UBE4B: variants seen among roughly 807,000 people sequenced by gnomAD.
The protein encoded by UBE4B is ubiquitin conjugation factor E4 B.
A neutral mutation model predicts 148.1 loss-of-function variants in UBE4B; 27 were observed. The ratio of observed to expected loss-of-function variants is 0.18; its 90% confidence interval spans 0.13 to 0.25. The LOEUF (loss-of-function observed/expected upper bound fraction) is 0.25. UBE4B is among the 10% of genes least tolerant of loss of function. The probability of loss-of-function intolerance (pLI) is 1.00; values close to 1 mark genes in which losing one functional copy is unlikely to be tolerated. For synonymous variants in UBE4B, 596 were observed against 619.3 expected (o/e 0.96, Z 0.56); for missense variants, 1,170 against 1,662.4 (o/e 0.70, Z 5.15).
intron 2 of UBE4B, among the ~76,000 whole-genome samples, chr1:10,089,812 G>C (rs1570864068): frequency 1.3e-5 from 2 of 151,004 alleles, no homozygotes; most frequent in African/African-American, 4.9e-5. Flanking sequence ...CAATTCTCCT[G>C]CCTCAGCCTC....
chr1:10,129,376 C>G lies in UBE4B; in HGVS notation c.1639-16C>G, dbSNP rs752810182. 1.2e-6 allele frequency: 2 copies of G among 1,607,666 alleles called. No individual in the cohort carries two copies. The highest frequency in any genetic ancestry group is 1.1e-5 in the South Asian group (1 of 90,764). The stretch of plus-strand genomic sequence containing the variant: ...TAAGATGAAATGCATTTAAATGACT[C>G]TGATCTTATTTCTAGGCACTAGGTG... On this transcript the variant is annotated splice_polypyrimidine_tract_variant and intron_variant, in intron 11 of 27. Coordinates refer to ENST00000343090, the MANE Select transcript of UBE4B (RefSeq NM_001105562.3).
chr1:10,137,029 A>G, intron 16 of UBE4B, 38 bp from the exon 17 acceptor site: 1 of 1,612,062 alleles, frequency 6.2e-7, no homozygotes, highest in Non-Finnish European at 8.5e-7. Context: ...TGAGACATGT[A>G]ATAGATTTTA....
intron 17 of UBE4B, among the ~76,000 whole-genome samples, chr1:10,143,972 A>G (rs1192615738): frequency 6.6e-6 from 1 of 152,250 alleles, no homozygotes; most frequent in Non-Finnish European, 1.5e-5. Context: ...ACTAGGTCTT[A>G]CAGAAATGCT....
In UBE4B at chr1:10,165,546, G is replaced by A. The variant is rs559330930; in HGVS notation, c.3199-2590G>A. Among the ~76,000 whole-genome samples the A allele has an allele frequency of 6.6e-5, 10 of 152,198 alleles. 1 individual carries two copies. Among genetic ancestry groups the A allele is most frequent in the African/African-American group, 2.4e-4 (10 of 41,518 alleles). On this transcript the variant is annotated intron_variant, in intron 23 of 27. Transcript: ENST00000343090. ...CTCAGAGCCAAATCCTGTGGTGAGA[G>A]CAGCCTACAGCACGCAGGAGGACCT...
chr1:10,179,365 T>A lies in UBE4B; in HGVS notation c.3701-51T>A, dbSNP rs1486667838. ...GGTAGAACGGGCTTTGTTTTCTTTT[T>A]CAGTCGTGGGCTCTCAGTAGATTAG... On this transcript the variant is annotated intron_variant, in intron 26 of 27. Coordinates refer to ENST00000343090, the MANE Select transcript of UBE4B (RefSeq NM_001105562.3). 4 of 1,582,450 alleles carry A rather than the reference T, an allele frequency of 2.5e-6. No homozygotes were observed. In the Admixed American group the frequency reaches 7.1e-5, roughly 28 times the overall value.
At position 10,101,151 on chromosome 1, in the gene UBE4B, G is replaced by T; in HGVS notation, c.391G>T (p.Val131Phe). ...GGATTCAGGAATTGAAAACATGGAG[G>T]TTGATGAAAATGATCGAAGAGAAAA... ...DVDSGIENME[V>F]DENDRREKRS... Residue 131 changes from valine to phenylalanine, a missense_variant, in exon 4 of 28, where the codon GTT becomes TTT. Val to Phe is a conservative substitution (Grantham distance 50). This residue lies in a region of UBE4B where 91 missense variants were observed against 120.5 expected (regional missense o/e 0.76). Transcript: ENST00000343090. The T allele has an allele frequency of 6.2e-7, 1 of 1,614,132 alleles. No homozygotes were observed. Among genetic ancestry groups the T allele is most frequent in the Non-Finnish European group, 8.5e-7 (1 of 1,180,016 alleles).
At chr1:10,045,681 A>G (rs1446359234) in intron 1 of UBE4B, among the ~76,000 whole-genome samples, 1 of 152,114 alleles carries the variant, frequency 6.6e-6, no homozygotes, top group Non-Finnish European at 1.5e-5. Flanking sequence ...AAAGAGCAAA[A>G]GCAGAGAGAA....
At chr1:10,053,940 G>A (rs1368089802) in intron 1 of UBE4B, among the ~76,000 whole-genome samples, 1 of 152,054 alleles carries the variant, frequency 6.6e-6, no homozygotes. Context: ...TCCTGCCTTG[G>A]CCTCCCAAAG....
At chr1:10,079,600 C>T (rs1259311243) in intron 2 of UBE4B, among the ~76,000 whole-genome samples, 2 of 152,172 alleles carry the variant, frequency 1.3e-5, no homozygotes, top group Non-Finnish European at 2.9e-5. Context: ...GACTTAGCAA[C>T]TAGTCAAACT....
chr1:10,111,799 A>G (rs1645226591), intron 7 of UBE4B, among the ~76,000 whole-genome samples: 1 of 152,134 alleles, frequency 6.6e-6, no homozygotes, highest in Admixed American at 6.5e-5. Context: ...TTTACTAAAA[A>G]TACAAAAATT....
At chr1:10,053,205 G>C (rs1340683170) in intron 1 of UBE4B, among the ~76,000 whole-genome samples, 1 of 151,980 alleles carries the variant, frequency 6.6e-6, no homozygotes, top group South Asian at 2.1e-4. Flanking sequence ...CTGGAGTGCA[G>C]TGGCGCGATC....
chr1:10,147,064 C>T lies in UBE4B; in HGVS notation c.2565C>T (p.Leu855=). The T allele has an allele frequency of 6.2e-7, 1 of 1,614,168 alleles. No homozygotes were observed. The highest frequency in any genetic ancestry group is 8.5e-7 in the Non-Finnish European group (1 of 1,180,030). The change falls in exon 19 of 28, where the codon CTC becomes CTT. Residue 855 remains leucine (L), a synonymous_variant. Coordinates refer to ENST00000343090, the MANE Select transcript of UBE4B (RefSeq NM_001105562.3). ...ATGGCCTTCTCATTCAGCTGCTGCT[C>T]CGCATCCTGGACCCCGCATATCCCG... ...NFYGLLIQLL[L]RILDPAYPDI... is the part of the protein sequence containing the mutation.
At chr1:10,101,545 G>T (rs1488355905) in intron 4 of UBE4B, among the ~76,000 whole-genome samples, 1 of 110,960 alleles carries the variant, frequency 9.0e-6, no homozygotes, top group Non-Finnish European at 1.6e-5. Flanking sequence ...GTCTCGCTCT[G>T]TCGCCCAGGC....
In UBE4B at chr1:10,127,028, T is replaced by G. The variant is rs1026690686; in HGVS notation, c.1638+151T>G. 28 of 709,584 alleles carry G rather than the reference T, an allele frequency of 3.9e-5. No homozygotes were observed. The African/African-American group carries it at 4.5e-4, about 11-fold the overall frequency. The allele number at this position is 709,584 out of a possible 1,614,324, so 44.0% of individuals were successfully genotyped here. On this transcript the variant is annotated intron_variant, in intron 11 of 27. Transcript: ENST00000343090. Reference sequence around the variant, plus strand: ...TGTGTTGGCCATGCAGAGTGTTTGGTGTGCAGTGAGATGCATCAGTGAAGA... The same window carrying G: ...TGTGTTGGCCATGCAGAGTGTTTGGGGTGCAGTGAGATGCATCAGTGAAGA...
intron 21 of UBE4B, among the ~76,000 whole-genome samples, chr1:10,152,259 AAATAATAATAATAAT>A (rs60838123): frequency 8.5e-5 from 12 of 141,340 alleles, no homozygotes; most frequent in Admixed American, 2.2e-4. Context: ...ACTCCGTCTC[AAATAATAATAATAAT>A]AATAATAATA....
intron 25 of UBE4B, among the ~76,000 whole-genome samples, chr1:10,176,360 G>C (rs544155557): frequency 6.6e-6 from 1 of 152,280 alleles, no homozygotes; most frequent in South Asian, 2.1e-4. Flanking sequence ...GTCTACACTT[G>C]GGAGTGGGAT....
intron 11 of UBE4B, among the ~76,000 whole-genome samples, chr1:10,127,775 G>A (rs538212158): frequency 6.6e-6 from 1 of 152,280 alleles, no homozygotes; most frequent in South Asian, 2.1e-4. Context: ...AGGAAGACAA[G>A]GTCCCTCTCC....
At chr1:10,141,813 T>G (rs1645787256) in intron 17 of UBE4B, among the ~76,000 whole-genome samples, 1 of 152,044 alleles carries the variant, frequency 6.6e-6, no homozygotes, top group Non-Finnish European at 1.5e-5. Context: ...CTCAGGGAAT[T>G]TAGAGATTTA....
intron 17 of UBE4B, among the ~76,000 whole-genome samples, chr1:10,143,120 C>T (rs1218044627): frequency 6.6e-6 from 1 of 152,002 alleles, no homozygotes; most frequent in Non-Finnish European, 1.5e-5. Flanking sequence ...AAGCAAAAAA[C>T]AAGGCTGGGC....
Sources: allele counts gnomAD v4.1 joint callset (sites outside exome capture counted in the v4.1 genomes callset), GRCh38; gene constraint gnomAD v4.1.1; regional missense constraint gnomAD v4.1.1; transcripts MANE v1.5; gene names NCBI Gene and HGNC (gene_info 2026-07-23, HGNC 2026-07-21).